Variants in ZFP37 observed in about 807,000 individuals in gnomAD.
ZFP37 encodes zinc finger protein 37 homolog.
In ZFP37, 38 loss-of-function variants were observed where a neutral mutation model predicts 52.1. The ratio of observed to expected loss-of-function variants is 0.73; its 90% CI spans 0.56 to 0.96. ZFP37 has a LOEUF of 0.96. Among genes scored for constraint, ZFP37 ranks in the 40% least tolerant of loss-of-function variants. ZFP37 has a pLI of 0.00. For synonymous variants in ZFP37, 253 were observed against 259.5 expected, an observed-to-expected ratio of 0.98 and a Z score of 0.24; for missense variants, 695 against 741.4, an observed-to-expected ratio of 0.94 and a Z score of 0.73.
rs977563318 is a variant in ZFP37, at chr9:113,052,777, T to A, written c.133-2905A>T. Among the ~76,000 whole-genome samples the A allele has an allele frequency of 6.6e-6, 1 of 152,194 alleles. No homozygotes were observed. Among genetic ancestry groups the A allele is most frequent in the African/African-American group, 2.4e-5 (1 of 41,456 alleles). ...AGCATAAACCACACTGTGTATTCTT[T>A]AAGCACTCGGAACTACTCTTAATCA... On this transcript the variant is annotated intron_variant, in intron 1 of 3. Coordinates refer to ENST00000374227, the MANE Select transcript of ZFP37 (RefSeq NM_003408.3). The surrounding 1 kb of genome is among the most constrained non-coding windows in gnomAD (Gnocchi z 4.1).
At chr9:113,050,468 CAAAAAAA>C (rs34498194) in intron 1 of ZFP37, among the ~76,000 whole-genome samples, 63 of 121,648 alleles carry the variant, frequency 5.2e-4, no homozygotes, top group East Asian at 1.2e-3. Flanking sequence ...GACAAATAGC[CAAAAAAA>C]AAAAAAAAAA....
intron 3 of ZFP37, among the ~76,000 whole-genome samples, chr9:113,044,559 T>TG (rs1001759237): frequency 5.9e-5 from 9 of 152,070 alleles, no homozygotes; most frequent in Admixed American, 2.6e-4. Flanking sequence ...AGGGAATAGA[T>TG]GGAGTTAAAA....
intron 1 of ZFP37, among the ~76,000 whole-genome samples, chr9:113,053,510 C>T (rs538276772): frequency 6.6e-6 from 1 of 152,278 alleles, no homozygotes; most frequent in South Asian, 2.1e-4. Flanking sequence ...GCCAAATGGA[C>T]ACCTAATCCT....
intron 1 of ZFP37, 27 bp from the exon 2 acceptor site, chr9:113,049,899 G>A: frequency 6.2e-7 from 1 of 1,613,786 alleles, no homozygotes; most frequent in Non-Finnish European, 8.5e-7. Context: ...ATAGTCACAT[G>A]TTTGAATGTT....
Position 113,043,183 on chromosome 9 carries a change from G to A in ZFP37, c.1435C>T (p.His479Tyr), listed in dbSNP as rs377200439. The A allele has an allele frequency of 6.1e-5, 99 of 1,613,680 alleles. No individual in the cohort carries two copies. Among genetic ancestry groups the A allele is most frequent in the African/African-American group, 4.8e-4 (36 of 74,920 alleles). The stretch of plus-strand genomic sequence containing the variant: ...TTCTCCTTAGTATGAGTTCTTTGAT[G>A]TATAATGAGGTGTGACTTCTTGCTG... ...AFSKKSHLII[H>Y]QRTHTKEKPY... is the part of the protein sequence containing the mutation. Residue 479 changes from histidine to tyrosine, a missense_variant, in exon 4 of 4, where the codon CAT (histidine) becomes TAT (tyrosine). This residue lies in a region of ZFP37 where 326 missense variants were observed against 400.5 expected (regional missense o/e 0.81). Coordinates refer to ENST00000374227, the MANE Select transcript of ZFP37 (RefSeq NM_003408.3).
chr9:113,041,750 A>ATC lies in ZFP37; in HGVS notation c.*973_*974dup, dbSNP rs1280801682. The ATC allele has an allele frequency of 6.6e-6, 1 of 152,208 alleles. No homozygotes were observed. The highest frequency in any genetic ancestry group is 1.5e-5 in the Non-Finnish European group (1 of 68,032). 9.4% of individuals were successfully genotyped at this position (152,208 alleles called of 1,614,324 possible). On this transcript the variant is annotated 3_prime_UTR_variant, in exon 4 of 4. Coordinates refer to ENST00000374227, the MANE Select transcript of ZFP37 (RefSeq NM_003408.3). ...ATACAAAGATTTTAACTCTGTCAAA[A>ATC]TCTGAGATCTCACATGTTGATCTCA...
At chr9:113,049,281 G>T in intron 3 of ZFP37, 81 bp downstream of exon 3, 2 of 1,460,290 alleles carry the variant, frequency 1.4e-6, no homozygotes, top group South Asian at 1.3e-5. Context: ...CTATTTTCTA[G>T]TTAAGAAAGA....
rs1487084090 is a variant in ZFP37 at position 113,039,386 on chromosome 9, CTT to C, written c.*3337_*3338del. The C allele has an allele frequency of 6.6e-6, 1 of 151,878 alleles. No homozygotes were observed. The highest frequency in any genetic ancestry group is 2.4e-5 in the African/African-American group (1 of 41,346). The allele number at this position is 151,878 out of a possible 1,614,324, so 9.4% of individuals were successfully genotyped here. A position where few individuals can be genotyped will look rare whatever the true frequency, so the allele number is the denominator to read the frequency against. ...TGTCAGAGGAGTTTAACATCTTTCTCTTCCCACACCCTCAGATTCTAAAAGAT... is the reference window on the plus strand; with the variant it reads ...TGTCAGAGGAGTTTAACATCTTTCTCCCCACACCCTCAGATTCTAAAAGAT... On this transcript the variant is annotated 3_prime_UTR_variant, in exon 4 of 4. Transcript: ENST00000374227.
chr9:113,043,757 T>G lies in ZFP37; in HGVS notation c.861A>C (p.Gln287His). ...LSSSTKHEKP[Q>H]ACVKPYECNQ... ...TACATTCATAGGGTTTCACACAAGC[T>G]TGAGGTTTTTCATGCTTAGTAGATG... The change falls in exon 4 of 4, where the codon CAA (glutamine) becomes CAC (histidine). Residue 287 changes from glutamine (Q) to histidine (H), a missense_variant. Transcript: ENST00000374227. The G allele has an allele frequency of 6.2e-7, 1 of 1,614,052 alleles. No individual in the cohort carries two copies. The highest frequency in any genetic ancestry group is 1.3e-5 in the African/African-American group (1 of 75,056).
rs1302544647 is a variant in ZFP37 at position 113,052,321 on chromosome 9, T to C, written c.133-2449A>G. On this transcript the variant is annotated intron_variant, in intron 1 of 3. Transcript: ENST00000374227. This position sits in a 1 kb window ranked among gnomAD's most constrained non-coding sequence, Gnocchi z 4.1. ...TGTACCTCAGGGTCTAAAGATGAGG[T>C]AAATGATTACTTTCAACAATTTCTC... 6.6e-6 allele frequency among the ~76,000 whole-genome samples: 1 copy of C among 152,168 alleles called. No individual in the cohort carries two copies. Among genetic ancestry groups the C allele is most frequent in the Non-Finnish European group, 1.5e-5 (1 of 68,020 alleles).
intron 3 of ZFP37, 53 bp from the exon 4 acceptor site, chr9:113,044,321 T>C (rs1828915507): frequency 6.8e-7 from 1 of 1,476,374 alleles, no homozygotes; most frequent in Admixed American, 2.4e-5. Context: ...TCTTATATTT[T>C]GGAATAAAAC....
rs1241187600 is a variant in ZFP37, at chr9:113,042,584, T to C, written c.*141A>G. On this transcript the variant is annotated 3_prime_UTR_variant, in exon 4 of 4. Coordinates refer to ENST00000374227, the MANE Select transcript of ZFP37 (RefSeq NM_003408.3). ...CCCTTGTTTCCATCCACTGATTCTA[T>C]ATGAAGATCCATTTTCAAAGTTTCT... is the stretch of plus-strand genomic sequence containing the variant. 3 of 635,158 alleles carry C rather than the reference T, an allele frequency of 4.7e-6. No individual in the cohort carries two copies. Among genetic ancestry groups the C allele is most frequent in the Non-Finnish European group, 7.6e-6 (3 of 395,294 alleles). 39.3% of individuals were successfully genotyped at this position (635,158 alleles called of 1,614,324 possible). A position where few individuals can be genotyped will look rare whatever the true frequency, so the allele number is the denominator to read the frequency against.
rs1381529684 is a variant in ZFP37 at position 113,056,706 on chromosome 9, C to T, written c.-18G>A. 1.2e-6 allele frequency: 2 copies of T among 1,607,084 alleles called. No homozygotes were observed. The highest frequency in any genetic ancestry group is 1.7e-5 in the Admixed American group (1 of 59,720). ...ACCGACATGGCGGCTACCCGGAGGGCGGCCTTAGCGGGTCCGGCAGCCGCG... is the reference window on the plus strand; with the variant it reads ...ACCGACATGGCGGCTACCCGGAGGGTGGCCTTAGCGGGTCCGGCAGCCGCG... On this transcript the variant is annotated 5_prime_UTR_variant, in exon 1 of 4. Transcript: ENST00000374227.
At chr9:113,049,911 C>T in intron 1 of ZFP37, 39 bp from the exon 2 acceptor site, 12 of 1,613,302 alleles carry the variant, frequency 7.4e-6, no homozygotes, top group Non-Finnish European at 1.0e-5. Flanking sequence ...TTGAATGTTA[C>T]TGATACCTGT....
rs1828863784 is a variant in ZFP37 at position 113,042,462 on chromosome 9, T to C, written c.*263A>G. The C allele has an allele frequency of 3.2e-6, 1 of 313,426 alleles. No individual in the cohort carries two copies. Among genetic ancestry groups the C allele is most frequent in the African/African-American group, 2.2e-5 (1 of 46,232 alleles). 19.4% of individuals were successfully genotyped at this position (313,426 alleles called of 1,614,324 possible). On this transcript the variant is annotated 3_prime_UTR_variant, in exon 4 of 4. Transcript: ENST00000374227. ...TGAATATTCAAATAATTCACAATTT[T>C]TAAAGCTTTCAATTTCAATCTGAAC... is the stretch of plus-strand genomic sequence containing the variant.
At position 113,056,661 on chromosome 9, in the gene ZFP37, G is replaced by A. The variant is rs2118728656; in HGVS notation, c.28C>T (p.Leu10=). The A allele has an allele frequency of 1.9e-6, 3 of 1,613,746 alleles. No homozygotes were observed. The highest frequency in any genetic ancestry group is 4.5e-5 in the East Asian group (2 of 44,878). The part of the protein sequence containing the change: MSVSSGVQI[L]TKPETVDRRR... ...CGGTCCACGGTCTCTGGCTTTGTCAGAATCTGGACGCCGCTGGAGACCGAC... is the reference window on the plus strand; with the variant it reads ...CGGTCCACGGTCTCTGGCTTTGTCAAAATCTGGACGCCGCTGGAGACCGAC... The change falls in exon 1 of 4, where the codon CTG becomes TTG. Residue 10 remains leucine, a synonymous_variant. Transcript: ENST00000374227.
chr9:113,049,921 T>A (rs1184603756), intron 1 of ZFP37, 49 bp from the exon 2 acceptor site: 1 of 1,612,424 alleles, frequency 6.2e-7, no homozygotes. Context: ...CTGATACCTG[T>A]GATAGCATAT....
At position 113,052,334 on chromosome 9, in the gene ZFP37, T is replaced by G. The variant is rs184210076; in HGVS notation, c.133-2462A>C. On this transcript the variant is annotated intron_variant, in intron 1 of 3. Coordinates refer to ENST00000374227, the MANE Select transcript of ZFP37 (RefSeq NM_003408.3). The surrounding 1 kb of genome is among the most constrained non-coding windows in gnomAD (Gnocchi z 4.1). Reference sequence around the variant, plus strand: ...CTAAAGATGAGGTAAATGATTACTTTCAACAATTTCTCATTCTTCCTTCAA... The same window carrying G: ...CTAAAGATGAGGTAAATGATTACTTGCAACAATTTCTCATTCTTCCTTCAA... Among the ~76,000 whole-genome samples, 32 of 152,288 alleles carry G rather than the reference T, an allele frequency of 2.1e-4. No individual in the cohort carries two copies. The highest frequency in any genetic ancestry group is 2.6e-4 in the Admixed American group (4 of 15,294).
In ZFP37 at chr9:113,052,716, C is replaced by CA. The variant is rs920331939; in HGVS notation, c.133-2845dup. ...AGTAGGCACTCTCTGCCTGCATGTA[C>CA]AAAAATTCCAGACTCCCAGAAGAAA... is the stretch of plus-strand genomic sequence containing the variant. On this transcript the variant is annotated intron_variant, in intron 1 of 3. Coordinates refer to ENST00000374227, the MANE Select transcript of ZFP37 (RefSeq NM_003408.3). This position sits in a 1 kb window ranked among gnomAD's most constrained non-coding sequence, Gnocchi z 4.1. 1.3e-5 allele frequency among the ~76,000 whole-genome samples: 2 copies of CA among 152,158 alleles called. No individual in the cohort carries two copies. The highest frequency in any genetic ancestry group is 4.8e-5 in the African/African-American group (2 of 41,444).
Sources: gnomAD v4.1 joint callset for allele counts (sites outside exome capture counted in the v4.1 genomes callset) on GRCh38, gnomAD v4.1.1 for gene constraint, gnomAD v4.1.1 regional missense constraint, Gnocchi (gnomAD v3.1) non-coding constraint, MANE v1.5 for transcripts, NCBI Gene and HGNC (gene_info 2026-07-23, HGNC 2026-07-21) for gene names.